The following DMD variants were observed in gnomAD, a reference collection of about 807,000 sequenced individuals.
The protein encoded by DMD is mutant dystrophin.
Under a neutral mutation model 330.1 loss-of-function variants are expected in DMD, and 63 were observed. The ratio of observed to expected loss-of-function variants is 0.19; its 90% CI spans 0.16 to 0.24. The LOEUF is 0.24. Ranked by LOEUF, DMD falls within the 10% of genes least tolerant of loss-of-function variation. The pLI is 1.00. For missense variants in DMD, 3,344 were observed against 2,684.1 expected, an observed-to-expected ratio of 1.25 and a Z score of -5.43; for synonymous variants, 1,223 against 959.8, an observed-to-expected ratio of 1.27 and a Z score of -5.07.
At chrX:31,629,299 C>T (rs754470367) in intron 54 of DMD, among the ~76,000 whole-genome samples, 21 of 111,521 alleles carry the variant, frequency 1.9e-4, no homozygotes, top group Non-Finnish European at 3.2e-4. Flanking sequence ...CAACTCCTGC[C>T]GAGCCAGCGG....
chrX:31,735,196 T>A (rs2086783200), intron 51 of DMD, among the ~76,000 whole-genome samples: 2 of 111,902 alleles, frequency 1.8e-5, no homozygotes, highest in Non-Finnish European at 3.8e-5. Context: ...CACACTGGGA[T>A]GCTTCTGCCT....
In DMD at chrX:32,815,514, T is replaced by TACAC. The variant is rs761584148; in HGVS notation, c.530+953_530+954insGTGT. On this transcript the variant is annotated intron_variant, in intron 6 of 78. Coordinates refer to ENST00000357033, the MANE Select transcript of DMD (RefSeq NM_004006.3). ...ACAAGCATATATATATATATATATA[T>TACAC]ATATATACACACACACACACACATA... is the stretch of plus-strand genomic sequence containing the variant. Among the ~76,000 whole-genome samples the TACAC allele has an allele frequency of 3.6e-3, 228 of 62,924 alleles. 3 individuals carry two copies. Among genetic ancestry groups the TACAC allele is most frequent in the Middle Eastern group, 7.1e-3 (1 of 141 alleles). The allele number at this position is 62,924 out of a possible 115,157, so 54.6% of individuals were successfully genotyped here. A position where few individuals can be genotyped will look rare whatever the true frequency, so the allele number is the denominator to read the frequency against.
chrX:32,883,084 G>A (rs776423313), intron 2 of DMD, among the ~76,000 whole-genome samples: 4 of 111,940 alleles, frequency 3.6e-5, no homozygotes, highest in East Asian at 2.8e-4. Flanking sequence ...AAACAGGATG[G>A]TATAGTCCTA....
intron 44 of DMD, among the ~76,000 whole-genome samples, chrX:32,177,915 T>C (rs1214673702): frequency 1.1e-4 from 12 of 111,043 alleles, no homozygotes; most frequent in Non-Finnish European, 1.5e-4. Context: ...GAGAAATATT[T>C]CAGAGGCTGT....
intron 48 of DMD, among the ~76,000 whole-genome samples, chrX:31,848,540 A>G (rs930597307): frequency 9.0e-6 from 1 of 110,833 alleles, no homozygotes; most frequent in Non-Finnish European, 1.9e-5. Flanking sequence ...TTTTTCCTCC[A>G]TGCCTTATTC....
intron 2 of DMD, among the ~76,000 whole-genome samples, chrX:32,979,465 C>A (rs1346195955): frequency 9.0e-6 from 1 of 111,545 alleles, no homozygotes; most frequent in African/African-American, 3.3e-5. Flanking sequence ...AACTTTTTCC[C>A]TTTTGTCCAA....
At chrX:32,003,665 G>T (rs752603020) in intron 44 of DMD, among the ~76,000 whole-genome samples, 1 of 111,235 alleles carries the variant, frequency 9.0e-6, no homozygotes, top group African/African-American at 3.3e-5. Context: ...CCTCACATTT[G>T]CCTTGAAGTT....
intron 47 of DMD, among the ~76,000 whole-genome samples, chrX:31,928,561 G>A (rs183916021): frequency 0.041 from 4,432 of 109,364 alleles, 79 homozygotes; most frequent in Non-Finnish European, 0.064. Context: ...AGCCGAGATC[G>A]CGCCACTGCA....
intron 2 of DMD, among the ~76,000 whole-genome samples, chrX:32,890,179 CAG>C (rs987671893): frequency 9.0e-6 from 1 of 111,204 alleles, no homozygotes; most frequent in Non-Finnish European, 1.9e-5. Flanking sequence ...GCTCAGGACT[CAG>C]AGAAGCAGCC....
At chrX:31,428,830 A>G (rs1335330543) in intron 60 of DMD, among the ~76,000 whole-genome samples, 2 of 112,635 alleles carry the variant, frequency 1.8e-5, no homozygotes, top group Non-Finnish European at 3.8e-5. Context: ...ACAATTTAAA[A>G]AAGTATATTA....
intron 45 of DMD, among the ~76,000 whole-genome samples, chrX:31,952,367 T>A (rs985068400): frequency 9.0e-6 from 1 of 111,395 alleles, no homozygotes; most frequent in Admixed American, 9.6e-5. Flanking sequence ...CACAAAGCTA[T>A]GACTCATGTT....
intron 47 of DMD, among the ~76,000 whole-genome samples, chrX:31,916,154 T>C (rs2094606069): frequency 8.9e-6 from 1 of 111,907 alleles, no homozygotes; most frequent in Admixed American, 9.5e-5. Context: ...TCATCCTAGC[T>C]GCGCTTATGC....
At chrX:32,369,125 C>A (rs1022768756) in intron 34 of DMD, among the ~76,000 whole-genome samples, 2 of 111,418 alleles carry the variant, frequency 1.8e-5, no homozygotes, top group Non-Finnish European at 3.8e-5. Flanking sequence ...CTCACAATGT[C>A]TAACATATTA....
chrX:32,573,230 T>C (rs926032939), intron 15 of DMD, among the ~76,000 whole-genome samples: 3 of 112,115 alleles, frequency 2.7e-5, no homozygotes, highest in African/African-American at 9.7e-5. Flanking sequence ...ACTATGCTGC[T>C]TAGAACTTTA....
intron 44 of DMD, among the ~76,000 whole-genome samples, chrX:32,021,053 T>C (rs190534496): frequency 5.6e-4 from 63 of 112,464 alleles, no homozygotes; most frequent in African/African-American, 1.9e-3. Context: ...GACCTGACAA[T>C]ACTACTAGCG....
At chrX:32,560,709 A>G (rs1355168904) in intron 16 of DMD, among the ~76,000 whole-genome samples, 1 of 111,576 alleles carries the variant, frequency 9.0e-6, no homozygotes, top group Non-Finnish European at 1.9e-5. Flanking sequence ...CTGTTCCCGC[A>G]TTAGTTTGCT....
chrX:31,946,120 A>C (rs1255819134), intron 45 of DMD, among the ~76,000 whole-genome samples: 1 of 112,296 alleles, frequency 8.9e-6, no homozygotes, highest in Non-Finnish European at 1.9e-5. Flanking sequence ...TTGGAATATA[A>C]CCTGTTTCTA....
At chrX:33,168,473 C>CTT (rs397941115) in intron 1 of DMD, among the ~76,000 whole-genome samples, 2 of 102,953 alleles carry the variant, frequency 1.9e-5, no homozygotes, top group African/African-American at 7.0e-5. Context: ...TGATATATAG[C>CTT]TTTTTTTTTT....
rs1233995014 is a variant in DMD at position 32,472,566 on chromosome X, TCAGGAAACAGAAAAACAGATAAGGG to T, written c.2804-282_2804-258del. On this transcript the variant is annotated intron_variant, in intron 21 of 78. Transcript: ENST00000357033. ...ATATTGTTCAATTCGTTTTATAAGGTCAGGAAACAGAAAAACAGATAAGGGCAGGAAACAGAAAAACAGAGAAGCT... is the reference window on the plus strand; with the variant it reads ...ATATTGTTCAATTCGTTTTATAAGGTCAGGAAACAGAAAAACAGAGAAGCT... Among the ~76,000 whole-genome samples the T allele has an allele frequency of 5.4e-5, 6 of 110,744 alleles. No individual in the cohort carries two copies. The East Asian group carries it at 8.5e-4, about 16-fold the overall frequency.
Sources: allele counts gnomAD v4.1 joint callset (sites outside exome capture counted in the v4.1 genomes callset), GRCh38; gene constraint gnomAD v4.1.1; transcripts MANE v1.5; gene names NCBI Gene and HGNC (gene_info 2026-07-23, HGNC 2026-07-21).